Variants in SOD2 observed in about 807,000 individuals in gnomAD.
SOD2 encodes superoxide dismutase 2, also known as superoxide dismutase [Mn], mitochondrial.
SOD2 carries 11 observed loss-of-function variants against 27.0 expected under a neutral mutation model. The observed-to-expected ratio is 0.41, with a 90% CI of 0.26 to 0.67. The LOEUF (loss-of-function observed/expected upper bound fraction) is 0.67. Among genes scored for constraint, SOD2 ranks in the 30% least tolerant of loss-of-function variants. The probability of loss-of-function intolerance (pLI) is 0.34; values close to 1 mark genes in which losing one functional copy is unlikely to be tolerated. For synonymous variants in SOD2, 105 were observed against 103.0 expected, an observed-to-expected ratio of 1.02 and a Z score of -0.12; for missense variants, 250 against 274.5, an observed-to-expected ratio of 0.91 and a Z score of 0.63.
At chr6:159,726,509 A>G (rs1778175880) in intron 1 of SOD2, 1 of 307,564 alleles carries the variant, frequency 3.3e-6, no homozygotes, top group Admixed American at 4.7e-5. Context: ...CAATCAAAAG[A>G]ATTACGTGCT....
rs1779826589 is a variant in SOD2 at position 159,678,465 on chromosome 6, T to G, written c.*4028A>C. 6.6e-6 allele frequency: 1 copy of G among 152,160 alleles called. No individual in the cohort carries two copies. The highest frequency in any genetic ancestry group is 2.4e-5 in the African/African-American group (1 of 41,432). The allele number at this position is 152,160 out of a possible 1,614,324, so 9.4% of individuals were successfully genotyped here. ...TCGCTTGAACTCAGGAGGTGGAGGT[T>G]GCAGTGAGTTGAGACTGTGCCACCG... On this transcript the variant is annotated 3_prime_UTR_variant, in exon 5 of 5. Transcript: ENST00000538183.
intron 2 of SOD2, chr6:159,692,211 A>G (rs1162684960): frequency 2.9e-6 from 1 of 340,058 alleles, no homozygotes; most frequent in Non-Finnish European, 5.2e-6. Context: ...ATGTCTGGCC[A>G]CCAGTGGACA....
intron 1 of SOD2, chr6:159,755,293 A>G (rs1583111988): frequency 6.2e-7 from 1 of 1,614,238 alleles, no homozygotes; most frequent in Admixed American, 1.7e-5. Context: ...CTGGGTCTGG[A>G]TTTCACAGGG....
chr6:159,685,524 G>A (rs1483419383), intron 3 of SOD2, among the ~76,000 whole-genome samples: 1 of 152,096 alleles, frequency 6.6e-6, no homozygotes, highest in South Asian at 2.1e-4. Flanking sequence ...ATACAGGCGT[G>A]AGCCACCGTG....
upstream of SOD2, chr6:159,748,860 C>T: frequency 8.3e-7 from 1 of 1,211,888 alleles, no homozygotes; most frequent in Admixed American, 4.3e-5. The surrounding 1 kb of genome is among the most constrained non-coding windows in gnomAD (Gnocchi z 5.6). Context: ...CTTAGAGACA[C>T]TGTGTATCAG....
upstream of SOD2, among the ~76,000 whole-genome samples, chr6:159,730,134 T>C (rs1468278309): frequency 6.6e-6 from 1 of 152,188 alleles, no homozygotes; most frequent in Admixed American, 6.5e-5. Flanking sequence ...ACCCCCAATT[T>C]ATTAATTAAT....
intron 1 of SOD2, among the ~76,000 whole-genome samples, chr6:159,703,408 T>C (rs1777563218): frequency 6.7e-6 from 1 of 148,272 alleles, no homozygotes; most frequent in African/African-American, 2.5e-5. Flanking sequence ...TTTACCTCTT[T>C]TTTTTTTTTT....
chr6:159,751,789 C>T (rs1012694161), intron 1 of SOD2, among the ~76,000 whole-genome samples: 3 of 152,152 alleles, frequency 2.0e-5, no homozygotes, highest in African/African-American at 7.2e-5. Flanking sequence ...CAGCCAGGCA[C>T]GGTGGCTCAT....
At chr6:159,693,781 C>CT (rs1777358335), upstream of SOD2, among the ~76,000 whole-genome samples, 2 of 152,234 alleles carry the variant, frequency 1.3e-5, no homozygotes, top group African/African-American at 4.8e-5. Flanking sequence ...GGCCTATGAG[C>CT]TGAGGGTAGA....
At chr6:159,708,282 G>C (rs899335404) in intron 1 of SOD2, among the ~76,000 whole-genome samples, 11 of 152,316 alleles carry the variant, frequency 7.2e-5, no homozygotes, top group African/African-American at 2.6e-4. Context: ...CATCAGGCAG[G>C]AGAAAGAAAT....
intron 1 of SOD2, among the ~76,000 whole-genome samples, chr6:159,757,512 A>C (rs1490505711): frequency 6.6e-6 from 1 of 151,226 alleles, no homozygotes; most frequent in Non-Finnish European, 1.5e-5. Flanking sequence ...TCCCGGATTC[A>C]AGTAATTCTC....
chr6:159,748,900 T>C (rs1472187613), upstream of SOD2: 1 of 1,180,714 alleles, frequency 8.5e-7, no homozygotes, highest in East Asian at 3.7e-5. This position sits in a 1 kb window ranked among gnomAD's most constrained non-coding sequence, Gnocchi z 5.6. Context: ...GACTTCATGA[T>C]TGTTGTTGAA....
Position 159,682,266 on chromosome 6 carries a change from T to C in SOD2, c.*227A>G. The C allele has an allele frequency of 2.7e-6, 1 of 365,120 alleles. No homozygotes were observed. The highest frequency in any genetic ancestry group is 7.0e-5 in the South Asian group (1 of 14,286). 22.6% of individuals were successfully genotyped at this position (365,120 alleles called of 1,614,324 possible). Reference sequence around the variant, plus strand: ...TTGTAATTTAGCTCTCTGAAGAAAATGTCCAATCAGATTCAATCACACAAA... The same window carrying C: ...TTGTAATTTAGCTCTCTGAAGAAAACGTCCAATCAGATTCAATCACACAAA... On this transcript the variant is annotated 3_prime_UTR_variant, in exon 5 of 5. Coordinates refer to ENST00000538183, the MANE Select transcript of SOD2 (RefSeq NM_000636.4).
chr6:159,688,000 A>G (rs1243029867), intron 3 of SOD2, 126 bp downstream of exon 3: 2 of 671,038 alleles, frequency 3.0e-6, no homozygotes, highest in East Asian at 5.2e-5. Context: ...AACAAGAGCA[A>G]AACTCTTGTC....
chr6:159,702,953 G>C (rs1486658131), intron 1 of SOD2, among the ~76,000 whole-genome samples: 1 of 151,664 alleles, frequency 6.6e-6, no homozygotes, highest in Non-Finnish European at 1.5e-5. Context: ...AGGGGTTCGA[G>C]GCTGCAGTGA....
upstream of SOD2, among the ~76,000 whole-genome samples, chr6:159,698,097 ACT>A (rs1777457265): frequency 6.6e-6 from 1 of 152,216 alleles, no homozygotes; most frequent in Admixed American, 6.5e-5. Flanking sequence ...ATATGGTGAA[ACT>A]CTGTCTTTAC....
At chr6:159,760,166 A>G (rs1248659442) in intron 1 of SOD2, 2 of 152,142 alleles carry the variant, frequency 1.3e-5, no homozygotes, top group African/African-American at 2.4e-5. Flanking sequence ...TTTCAGAGGT[A>G]AATTTCTGGT....
chr6:159,759,365 T>C (rs1307234811), intron 1 of SOD2, among the ~76,000 whole-genome samples: 1 of 142,774 alleles, frequency 7.0e-6, no homozygotes, highest in African/African-American at 2.5e-5. Context: ...GGCCAAGACA[T>C]AATTTTAAAA....
In SOD2 at chr6:159,692,764, G is replaced by A. The variant is rs2114793499; in HGVS notation, c.123C>T (p.His41=). The A allele has an allele frequency of 1.2e-6, 2 of 1,614,208 alleles. No individual in the cohort carries two copies. The highest frequency in any genetic ancestry group is 1.7e-6 in the Non-Finnish European group (2 of 1,180,032). ...LPYDYGALEP[H]INAQIMQLHH... ...GCAGCTGCATGATCTGCGCGTTGAT[G>A]TGAGGTTCCAGGGCGCCGTAGTCGT... Residue 41 remains histidine, a synonymous_variant, in exon 2 of 5, where the codon CAC becomes CAT. Coordinates refer to ENST00000538183, the MANE Select transcript of SOD2 (RefSeq NM_000636.4).
Sources: gnomAD v4.1 joint callset for allele counts (sites outside exome capture counted in the v4.1 genomes callset) on GRCh38, gnomAD v4.1.1 for gene constraint, Gnocchi (gnomAD v3.1) non-coding constraint, MANE v1.5 for transcripts, NCBI Gene and HGNC (gene_info 2026-07-23, HGNC 2026-07-21) for gene names.